Variants in CNTNAP4 observed in about 807,000 individuals in gnomAD.
CNTNAP4 encodes contactin associated protein family member 4.
A neutral mutation model predicts 148.4 loss-of-function variants in CNTNAP4; 98 were observed. The ratio of observed to expected loss-of-function variants is 0.66; its 90% CI spans 0.56 to 0.78. The LOEUF is 0.78. CNTNAP4 is among the 30% of genes least tolerant of loss of function. The pLI is 0.00. For synonymous variants in CNTNAP4, 730 were observed against 565.1 expected, an observed-to-expected ratio of 1.29 and a Z score of -4.14; for missense variants, 1,935 against 1,565.6, an observed-to-expected ratio of 1.24 and a Z score of -3.98.
intron 10 of CNTNAP4, among the ~76,000 whole-genome samples, chr16:76,470,422 C>T (rs567539266): frequency 2.0e-5 from 3 of 149,234 alleles, no homozygotes; most frequent in African/African-American, 7.6e-5. Flanking sequence ...GGGTGGATCA[C>T]CTGAGGTCAG....
intron 15 of CNTNAP4, among the ~76,000 whole-genome samples, chr16:76,511,042 G>T (rs1391845604): frequency 3.9e-5 from 6 of 152,118 alleles, no homozygotes; most frequent in Non-Finnish European, 8.8e-5. Context: ...AAATAGAAGT[G>T]ATGTGATAAA....
chr16:76,551,180 G>A (rs1443046135), intron 21 of CNTNAP4, among the ~76,000 whole-genome samples: 1 of 152,150 alleles, frequency 6.6e-6, no homozygotes, highest in Non-Finnish European at 1.5e-5. Context: ...GGAGGCCAAA[G>A]TGGGTGGATC....
intron 3 of CNTNAP4, among the ~76,000 whole-genome samples, chr16:76,419,338 CT>C (rs1454178275): frequency 6.6e-6 from 1 of 151,956 alleles, no homozygotes; most frequent in Admixed American, 6.6e-5. Flanking sequence ...GAGAATAGCC[CT>C]TTGTTATGAA....
At chr16:76,306,403 G>A (rs1028958300) in intron 1 of CNTNAP4, among the ~76,000 whole-genome samples, 1 of 152,032 alleles carries the variant, frequency 6.6e-6, no homozygotes, top group South Asian at 2.1e-4. Flanking sequence ...GCCCTTTCCC[G>A]ACTCCCCAAT....
intron 3 of CNTNAP4, among the ~76,000 whole-genome samples, chr16:76,384,432 C>G (rs1414114451): frequency 6.6e-6 from 1 of 152,088 alleles, no homozygotes; most frequent in Non-Finnish European, 1.5e-5. Flanking sequence ...AATAAAGGAT[C>G]AAGAAGAATG....
intron 12 of CNTNAP4, among the ~76,000 whole-genome samples, chr16:76,489,445 G>GA (rs2082133610): frequency 6.6e-6 from 1 of 151,984 alleles, no homozygotes; most frequent in Non-Finnish European, 1.5e-5. Flanking sequence ...TAAATTATAT[G>GA]AAAATGTTAA....
intron 15 of CNTNAP4, among the ~76,000 whole-genome samples, chr16:76,505,869 C>T (rs2082820424): frequency 1.0e-5 from 1 of 96,356 alleles, no homozygotes; most frequent in African/African-American, 2.6e-5. Flanking sequence ...CACTGCACTA[C>T]AGCCTGAGCA....
intron 15 of CNTNAP4, among the ~76,000 whole-genome samples, chr16:76,509,260 A>G (rs1264022564): frequency 1.0e-5 from 1 of 96,232 alleles, no homozygotes; most frequent in African/African-American, 2.6e-5. Flanking sequence ...CGTCCTGTGC[A>G]TTGTTGGAGC....
chr16:76,420,284 T>TTG (rs1555550121), intron 3 of CNTNAP4, among the ~76,000 whole-genome samples: 1 of 70,462 alleles, frequency 1.4e-5, no homozygotes, highest in Non-Finnish European at 4.0e-5. Context: ...GAGATAAATA[T>TTG]TAATTTCCCT....
At chr16:76,385,241 C>A (rs1285824101) in intron 3 of CNTNAP4, among the ~76,000 whole-genome samples, 1 of 152,190 alleles carries the variant, frequency 6.6e-6, no homozygotes, top group Non-Finnish European at 1.5e-5. Context: ...TTCTCACTTT[C>A]CCTGACAGTT....
At chr16:76,496,735 A>G (rs971873808) in intron 14 of CNTNAP4, among the ~76,000 whole-genome samples, 1 of 152,186 alleles carries the variant, frequency 6.6e-6, no homozygotes, top group Non-Finnish European at 1.5e-5. Context: ...AAGATTCTGG[A>G]ATCTTTACAA....
At chr16:76,451,936 C>T (rs188087645) in intron 7 of CNTNAP4, among the ~76,000 whole-genome samples, 80 of 151,974 alleles carry the variant, frequency 5.3e-4, no homozygotes, top group Admixed American at 1.1e-3. Flanking sequence ...ATGGACATCC[C>T]AATTATCCCG....
At chr16:76,477,569 T>A (rs1041867236) in intron 11 of CNTNAP4, among the ~76,000 whole-genome samples, 2 of 152,040 alleles carry the variant, frequency 1.3e-5, no homozygotes, top group African/African-American at 4.8e-5. Flanking sequence ...ATCAAGAGAA[T>A]CTCTCAGCTC....
chr16:76,432,322 T>G (rs2079640987), intron 4 of CNTNAP4, among the ~76,000 whole-genome samples: 1 of 152,164 alleles, frequency 6.6e-6, no homozygotes, highest in South Asian at 2.1e-4. Flanking sequence ...GGCAGTAACT[T>G]GTTATGAAGG....
At position 76,511,136 on chromosome 16, in the gene CNTNAP4, G is replaced by A. The variant is rs182445063; in HGVS notation, c.2366-10004G>A. 1.3e-4 allele frequency among the ~76,000 whole-genome samples: 20 copies of A among 152,172 alleles called. 1 individual carries two copies. The highest frequency in any genetic ancestry group is 1.3e-3 in the Admixed American group (20 of 15,296). On this transcript the variant is annotated intron_variant, in intron 15 of 23. Transcript: ENST00000611870. The stretch of plus-strand genomic sequence containing the variant: ...CTCTCAGTCTCTCTATCTGAGCAAG[G>A]CAGTATTTTTAACTCTTTGGCGTTT...
chr16:76,366,494 A>T (rs2014151134), intron 3 of CNTNAP4, among the ~76,000 whole-genome samples: 1 of 152,200 alleles, frequency 6.6e-6, no homozygotes, highest in South Asian at 2.1e-4. Context: ...ATAGTATTAC[A>T]TGATGCATAT....
At chr16:76,494,273 G>C (rs898406868) in intron 13 of CNTNAP4, among the ~76,000 whole-genome samples, 1 of 152,064 alleles carries the variant, frequency 6.6e-6, no homozygotes, top group Non-Finnish European at 1.5e-5. Context: ...CTTCCATTGA[G>C]TGTAATATTC....
intron 9 of CNTNAP4, among the ~76,000 whole-genome samples, chr16:76,463,850 T>C (rs2081076458): frequency 6.6e-6 from 1 of 152,196 alleles, no homozygotes; most frequent in Non-Finnish European, 1.5e-5. Context: ...TTAAGGTGTT[T>C]CTAAATAATA....
intron 3 of CNTNAP4, among the ~76,000 whole-genome samples, chr16:76,393,720 G>C (rs573608538): frequency 3.9e-5 from 6 of 152,200 alleles, no homozygotes; most frequent in South Asian, 4.2e-4. Flanking sequence ...CCCATTGTGG[G>C]GCAGAGGGTA....
Sources: allele counts gnomAD v4.1 joint callset (sites outside exome capture counted in the v4.1 genomes callset), GRCh38; gene constraint gnomAD v4.1.1; transcripts MANE v1.5; gene names NCBI Gene and HGNC (gene_info 2026-07-23, HGNC 2026-07-21).